KCNN2: variants seen among roughly 807,000 people sequenced by gnomAD.
The protein encoded by KCNN2 is small conductance calcium-activated potassium channel protein 2.
KCNN2 carries 24 observed loss-of-function variants against 55.5 expected under a neutral mutation model. That is an observed-to-expected ratio of 0.43 (90% CI 0.31 to 0.61). The LOEUF is 0.61. Among genes scored for constraint, KCNN2 ranks in the 20% least tolerant of loss-of-function variants. KCNN2 has a pLI of 0.08. For missense variants in KCNN2, 754 were observed against 853.6 expected (o/e 0.88, Z 1.45); for synonymous variants, 431 against 336.1 (o/e 1.28, Z -3.09).
At chr5:114,449,265 C>A (rs1485673901) in intron 3 of KCNN2, among the ~76,000 whole-genome samples, 1 of 152,090 alleles carries the variant, frequency 6.6e-6, no homozygotes. Context: ...CTTTGTCATA[C>A]TAGTTACTGT....
intron 1 of KCNN2, among the ~76,000 whole-genome samples, chr5:114,092,937 A>G (rs1580505218): frequency 6.6e-6 from 1 of 152,070 alleles, no homozygotes; most frequent in Admixed American, 6.5e-5. Context: ...GACCTCTGAC[A>G]TGCCTTAGAG....
chr5:114,192,738 A>G lies in KCNN2; in HGVS notation c.-270-28742A>G, dbSNP rs191818428. On this transcript the variant is annotated intron_variant, in intron 1 of 10. Transcript: ENST00000512097. The stretch of plus-strand genomic sequence containing the variant: ...TTATATCATGAGCCATGAAATGTAA[A>G]GAACTCAAATCCTATATTCTTCCCA... Among the ~76,000 whole-genome samples the G allele has an allele frequency of 1.8e-3, 272 of 152,266 alleles. 1 individual carries two copies. The highest frequency in any genetic ancestry group is 6.1e-3 in the African/African-American group (255 of 41,562).
At chr5:114,383,523 C>T (rs1481687776) in intron 2 of KCNN2, among the ~76,000 whole-genome samples, 1 of 139,180 alleles carries the variant, frequency 7.2e-6, no homozygotes, top group Non-Finnish European at 1.5e-5. Flanking sequence ...GGCTGGAGTG[C>T]AGTGGTATGA....
intron 3 of KCNN2, among the ~76,000 whole-genome samples, chr5:114,449,914 G>GCA (rs1760592371): frequency 1.5e-5 from 2 of 131,622 alleles, no homozygotes; most frequent in African/African-American, 7.5e-5. Flanking sequence ...ACACACGCGC[G>GCA]CGCTCGCGTG....
At chr5:114,201,622 T>TTGAATTCATCA (rs986088963) in intron 1 of KCNN2, among the ~76,000 whole-genome samples, 1 of 152,118 alleles carries the variant, frequency 6.6e-6, no homozygotes, top group African/African-American at 2.4e-5. Flanking sequence ...CCATGTCAAG[T>TTGAATTCATCA]TGAATTCATC....
intron 2 of KCNN2, among the ~76,000 whole-genome samples, chr5:114,315,467 A>G (rs572826): frequency 0.058 from 2,815 of 48,490 alleles, 37 homozygotes; most frequent in Non-Finnish European, 0.07. Flanking sequence ...GTGTGTGTGT[A>G]TATATATATA....
chr5:114,432,488 A>G (rs542587850), intron 3 of KCNN2, among the ~76,000 whole-genome samples: 4 of 152,158 alleles, frequency 2.6e-5, no homozygotes, highest in African/African-American at 9.6e-5. Flanking sequence ...TTTCTTGTGG[A>G]CAACACATGG....
chr5:114,257,188 T>C (rs1755000020), intron 2 of KCNN2, among the ~76,000 whole-genome samples: 3 of 152,280 alleles, frequency 2.0e-5, no homozygotes, highest in East Asian at 3.9e-4. Flanking sequence ...GCTTTATTTC[T>C]GGGTTCCCTT....
chr5:114,169,618 T>C (rs1580584179), intron 1 of KCNN2, among the ~76,000 whole-genome samples: 1 of 152,108 alleles, frequency 6.6e-6, no homozygotes, highest in East Asian at 1.9e-4. Flanking sequence ...TCTTTTAATG[T>C]ACTGTAACCT....
intron 5 of KCNN2, among the ~76,000 whole-genome samples, chr5:114,484,245 G>T (rs940349241): frequency 6.6e-5 from 10 of 152,104 alleles, no homozygotes; most frequent in Admixed American, 2.0e-4. Flanking sequence ...GGGACAAAAG[G>T]GCATTCAAGT....
rs549747511 is a variant in KCNN2 at position 114,155,091 on chromosome 5, G to A, written c.-270-66389G>A. On this transcript the variant is annotated intron_variant, in intron 1 of 10. Coordinates refer to the KCNN2 transcript ENST00000512097. ...CTGTGTTGTTCCCATCTAGGTGTCC[G>A]TGTGTTCTCATCATTTAGCTACTAC... is the stretch of plus-strand genomic sequence containing the variant. Among the ~76,000 whole-genome samples the A allele has an allele frequency of 4.6e-4, 70 of 152,038 alleles. 2 individuals carry two copies. Among genetic ancestry groups the A allele is most frequent in the African/African-American group, 1.6e-3 (67 of 41,514 alleles).
chr5:114,457,498 T>C (rs1344523923), intron 3 of KCNN2, among the ~76,000 whole-genome samples: 1 of 152,208 alleles, frequency 6.6e-6, no homozygotes, highest in East Asian at 1.9e-4. Flanking sequence ...ATCCCCCAGG[T>C]ATGACTGCAC....
intron 1 of KCNN2, among the ~76,000 whole-genome samples, chr5:114,102,670 C>G (rs1240128033): frequency 6.6e-6 from 1 of 152,074 alleles, no homozygotes; most frequent in African/African-American, 2.4e-5. Context: ...TCCAGTTTTC[C>G]CAACACCACT....
At chr5:114,374,181 C>A (rs917860799) in intron 2 of KCNN2, among the ~76,000 whole-genome samples, 4 of 152,122 alleles carry the variant, frequency 2.6e-5, no homozygotes, top group Admixed American at 6.6e-5. Flanking sequence ...TACATTAACT[C>A]CTTCAGGCAT....
chr5:114,204,692 TG>T (rs778812719), intron 1 of KCNN2, among the ~76,000 whole-genome samples: 3 of 152,242 alleles, frequency 2.0e-5, no homozygotes, highest in Admixed American at 6.5e-5. Flanking sequence ...GAAATGGCCG[TG>T]TCACATTATG....
intron 2 of KCNN2, among the ~76,000 whole-genome samples, chr5:114,299,359 C>G (rs1360788182): frequency 6.6e-6 from 1 of 152,124 alleles, no homozygotes; most frequent in African/African-American, 2.4e-5. Context: ...GAATTTCAGG[C>G]TCATTTCTGA....
chr5:114,111,937 A>G (rs1751606967), intron 1 of KCNN2, among the ~76,000 whole-genome samples: 1 of 152,188 alleles, frequency 6.6e-6, no homozygotes, highest in African/African-American at 2.4e-5. Flanking sequence ...TCAAGGATCT[A>G]GAACTCGAAA....
chr5:114,209,608 C>T lies in KCNN2; in HGVS notation c.-270-11872C>T, dbSNP rs549160136. On this transcript the variant is annotated intron_variant, in intron 1 of 10. Coordinates refer to the KCNN2 transcript ENST00000512097. ...ATTATAGGATCAATGGCAAAAGTTC[C>T]TGAGGAATGAGGATGTGGGTTTATA... 4.6e-5 allele frequency among the ~76,000 whole-genome samples: 7 copies of T among 152,108 alleles called. No individual in the cohort carries two copies. The South Asian group carries it at 1.5e-3, about 32-fold the overall frequency.
intron 3 of KCNN2, among the ~76,000 whole-genome samples, chr5:114,421,871 A>G (rs760914511): frequency 6.6e-6 from 1 of 152,190 alleles, no homozygotes; most frequent in African/African-American, 2.4e-5. Context: ...CGGCCTCCCA[A>G]AGTGTTTACA....
Sources: allele counts gnomAD v4.1 joint callset (sites outside exome capture counted in the v4.1 genomes callset), GRCh38; gene constraint gnomAD v4.1.1; transcripts MANE v1.5; gene names NCBI Gene and HGNC (gene_info 2026-07-23, HGNC 2026-07-21).